Variants in ZNF385D observed in about 807,000 individuals in gnomAD.
ZNF385D encodes the protein zinc finger protein 385D, also known as zinc finger protein 659.
ZNF385D carries 15 observed loss-of-function variants against 35.8 expected under a neutral mutation model. That is an observed-to-expected ratio of 0.42 (90% CI 0.28 to 0.64). The LOEUF (loss-of-function observed/expected upper bound fraction) is 0.64. Among genes scored for constraint, ZNF385D ranks in the 30% least tolerant of loss-of-function variants. The pLI, the probability that ZNF385D is intolerant of heterozygous loss-of-function variation, is 0.23. For synonymous variants in ZNF385D, 212 were observed against 186.8 expected, an observed-to-expected ratio of 1.13 and a Z score of -1.10; for missense variants, 474 against 494.6, an observed-to-expected ratio of 0.96 and a Z score of 0.39.
rs185147528 is a variant in ZNF385D at position 22,310,874 on chromosome 3, A to T, written c.106+61576T>A. On this transcript the variant is annotated intron_variant, in intron 2 of 5. Coordinates refer to the ZNF385D transcript ENST00000494108. Reference sequence around the variant, plus strand: ...TTTTTTGATTTGTAAGTACAATTTTATATTAAAGATTTTATTTCTACTATT... The same window carrying T: ...TTTTTTGATTTGTAAGTACAATTTTTTATTAAAGATTTTATTTCTACTATT... Among the ~76,000 whole-genome samples the T allele has an allele frequency of 1.6e-3, 237 of 151,924 alleles. 1 individual carries two copies. Among genetic ancestry groups the T allele is most frequent in the Admixed American group, 8.7e-3 (133 of 15,236 alleles).
intron 2 of ZNF385D, among the ~76,000 whole-genome samples, chr3:22,318,902 A>G (rs1223304854): frequency 6.6e-6 from 1 of 152,210 alleles, no homozygotes; most frequent in African/African-American, 2.4e-5. Flanking sequence ...CTTTAGTCAT[A>G]TAAGAAATAT....
rs1465937424 is a variant in ZNF385D at position 22,053,305 on chromosome 3, C to G, written c.325+115512G>C. 1.1e-4 allele frequency among the ~76,000 whole-genome samples: 7 copies of G among 62,478 alleles called. 2 individuals are homozygous for G. The highest frequency in any genetic ancestry group is 8.9e-4 in the South Asian group (1 of 1,126). The allele number at this position is 62,478 out of a possible 152,430, so 41.0% of individuals were successfully genotyped here. A position where few individuals can be genotyped will look rare whatever the true frequency, so the allele number is the denominator to read the frequency against. On this transcript the variant is annotated intron_variant, in intron 3 of 5. Coordinates refer to the ZNF385D transcript ENST00000494108. ...CTGAAGGAAATAGAGACACAAAAAA[C>G]CCTTCAAAAAATCAATGAATCCAGG...
rs973566477 is a variant in ZNF385D at position 21,784,162 on chromosome 3, T to C, written c.326-119134A>G. Reference sequence around the variant, plus strand: ...TACTGGAAGAGAAGTCTGCCAAGAATAAAACTTTAAAACCAGCCTATAAAG... The same window carrying C: ...TACTGGAAGAGAAGTCTGCCAAGAACAAAACTTTAAAACCAGCCTATAAAG... On this transcript the variant is annotated intron_variant, in intron 3 of 5. Coordinates refer to the ZNF385D transcript ENST00000494108. 8.5e-5 allele frequency among the ~76,000 whole-genome samples: 13 copies of C among 152,240 alleles called. No individual in the cohort carries two copies. The South Asian group carries it at 1.0e-3, about 12-fold the overall frequency.
chr3:21,912,160 C>A (rs2125914437), intron 3 of ZNF385D, among the ~76,000 whole-genome samples: 1 of 152,066 alleles, frequency 6.6e-6, no homozygotes, highest in Admixed American at 6.6e-5. Context: ...GTTGTGAACT[C>A]TGCTCAGTCT....
intron 3 of ZNF385D, among the ~76,000 whole-genome samples, chr3:21,541,060 T>C (rs548970736): frequency 6.6e-6 from 1 of 152,298 alleles, no homozygotes; most frequent in South Asian, 2.1e-4. Context: ...AGTGTTCTAA[T>C]ATAGTAGTAC....
chr3:22,087,076 A>G (rs1439014470), intron 3 of ZNF385D, among the ~76,000 whole-genome samples: 2 of 152,206 alleles, frequency 1.3e-5, no homozygotes, highest in Non-Finnish European at 2.9e-5. Context: ...TTAAAGTACA[A>G]TAAAAAGAAA....
chr3:21,997,698 A>T (rs544768353), intron 3 of ZNF385D, among the ~76,000 whole-genome samples: 1 of 152,274 alleles, frequency 6.6e-6, no homozygotes, highest in East Asian at 1.9e-4. Context: ...AGATTTTGTT[A>T]ACTTTAGATA....
chr3:21,446,035 G>A (rs561163690), intron 4 of ZNF385D, among the ~76,000 whole-genome samples: 19 of 152,232 alleles, frequency 1.2e-4, no homozygotes, highest in East Asian at 3.9e-4. Context: ...TTTAGTATGC[G>A]TCAGAATCAC....
intron 1 of ZNF385D, among the ~76,000 whole-genome samples, chr3:21,709,013 T>C (rs2125407262): frequency 6.6e-6 from 1 of 152,254 alleles, no homozygotes; most frequent in African/African-American, 2.4e-5. Flanking sequence ...CAGTGAGAGA[T>C]TTAGGAACAC....
At chr3:22,138,823 T>G (rs972326093) in intron 3 of ZNF385D, among the ~76,000 whole-genome samples, 3 of 152,132 alleles carry the variant, frequency 2.0e-5, no homozygotes, top group South Asian at 2.1e-4. Flanking sequence ...AAATGGGATC[T>G]AATTAAACTA....
At chr3:21,693,888 T>C (rs1386844316) in intron 1 of ZNF385D, among the ~76,000 whole-genome samples, 2 of 147,148 alleles carry the variant, frequency 1.4e-5, no homozygotes, top group Non-Finnish European at 1.5e-5. Context: ...TTTTCTTTTT[T>C]TTTTTTTTTT....
intron 3 of ZNF385D, among the ~76,000 whole-genome samples, chr3:21,562,352 A>G (rs896954129): frequency 5.3e-5 from 8 of 152,162 alleles, no homozygotes; most frequent in African/African-American, 1.7e-4. Flanking sequence ...AAAGTGTCCA[A>G]TCATGAATTT....
At chr3:21,803,236 TCAAAGCA>T (rs2072490658) in intron 3 of ZNF385D, among the ~76,000 whole-genome samples, 1 of 151,860 alleles carries the variant, frequency 6.6e-6, no homozygotes. Context: ...CACCTTAGAA[TCAAAGCA>T]CAAAAGATAA....
chr3:21,556,412 A>AAT (rs1553611661), intron 3 of ZNF385D, among the ~76,000 whole-genome samples: 3 of 151,756 alleles, frequency 2.0e-5, no homozygotes, highest in Non-Finnish European at 2.9e-5. Context: ...AGGTGTAAGG[A>AAT]AGGGATCCAG....
chr3:21,802,245 A>G (rs900283988), intron 3 of ZNF385D, among the ~76,000 whole-genome samples: 2 of 152,176 alleles, frequency 1.3e-5, no homozygotes, highest in Non-Finnish European at 2.9e-5. Context: ...ATATATTTAA[A>G]TGCTGTTTCC....
chr3:21,489,317 G>T (rs535293769), intron 4 of ZNF385D, among the ~76,000 whole-genome samples: 3 of 152,066 alleles, frequency 2.0e-5, no homozygotes, highest in Non-Finnish European at 4.4e-5. Context: ...CAACTTTCCT[G>T]GGGCTATTAA....
chr3:21,484,658 G>C (rs970409043), intron 4 of ZNF385D, among the ~76,000 whole-genome samples: 6 of 152,142 alleles, frequency 3.9e-5, no homozygotes, highest in Non-Finnish European at 8.8e-5. Flanking sequence ...GCTTGCATTA[G>C]TGCTGAGCAC....
In ZNF385D at chr3:22,251,805, G is replaced by C. The variant is rs536276161; in HGVS notation, c.107-82770C>G. ...TTCAGAGTTTGAGCTTGGGATCTTA[G>C]AGACACTAATTTTAGGTTCACTTCA... On this transcript the variant is annotated intron_variant, in intron 2 of 5. Transcript: ENST00000494108. Among the ~76,000 whole-genome samples the C allele has an allele frequency of 4.6e-5, 7 of 152,146 alleles. No homozygotes were observed. In the East Asian group the frequency reaches 5.8e-4, roughly 13 times the overall value.
chr3:21,748,414 T>C (rs1305101456), intron 1 of ZNF385D, among the ~76,000 whole-genome samples: 7 of 141,176 alleles, frequency 5.0e-5, no homozygotes, highest in Non-Finnish European at 4.6e-5. Flanking sequence ...TCTTCAGCTA[T>C]ATTTGAAGGG....
Sources: allele counts gnomAD v4.1 joint callset (sites outside exome capture counted in the v4.1 genomes callset), GRCh38; gene constraint gnomAD v4.1.1; transcripts MANE v1.5; gene names NCBI Gene and HGNC (gene_info 2026-07-23, HGNC 2026-07-21).